Variants in PCDHA4 observed in about 807,000 individuals in gnomAD.
PCDHA4 encodes the protein protocadherin alpha-4.
In PCDHA4, 49 loss-of-function variants were observed where a neutral mutation model predicts 61.4. That is an observed-to-expected ratio of 0.80 (90% CI 0.63 to 1.01). The LOEUF is 1.01. PCDHA4 is among the 50% of genes least tolerant of loss of function. The pLI is 0.00. For synonymous variants in PCDHA4, 590 were observed against 550.3 expected, an observed-to-expected ratio of 1.07 and a Z score of -1.01; for missense variants, 1,254 against 1,235.8, an observed-to-expected ratio of 1.01 and a Z score of -0.22.
intron 1 of PCDHA4, chr5:140,967,133 G>C: frequency 6.2e-7 from 1 of 1,611,928 alleles, no homozygotes; most frequent in East Asian, 2.2e-5. Flanking sequence ...CAGCTTGGAA[G>C]TGCTGGCGCA....
intron 1 of PCDHA4, chr5:140,841,828 C>A: frequency 6.2e-7 from 1 of 1,613,892 alleles, no homozygotes; most frequent in Middle Eastern, 1.6e-4. Context: ...CCGTGTTAAC[C>A]TACAGGCTTA....
At chr5:140,852,808 C>G in intron 1 of PCDHA4, 1 of 975,820 alleles carries the variant, frequency 1.0e-6, no homozygotes, top group Non-Finnish European at 1.2e-6. Context: ...TCATTTGTCT[C>G]CCGCCCTAAG....
At chr5:140,848,603 G>A (rs144574743) in intron 1 of PCDHA4, 1 of 1,581,062 alleles carries the variant, frequency 6.3e-7, no homozygotes, top group Non-Finnish European at 8.7e-7. Flanking sequence ...ACTCCGTCCC[G>A]GAGGAAGCCG....
Position 140,928,034 on chromosome 5 carries a change from G to T in PCDHA4, c.2386-50915G>T. 3 of 1,614,206 alleles carry T rather than the reference G, an allele frequency of 1.9e-6. No homozygotes were observed. Among genetic ancestry groups the T allele is most frequent in the Non-Finnish European group, 2.5e-6 (3 of 1,180,036 alleles). Reference sequence around the variant, plus strand: ...GGTAGGGTCATTTGTGGCATGTCTAGTGCAGGCCCTTTTCAGCTGACGGCT... The same window carrying T: ...GGTAGGGTCATTTGTGGCATGTCTATTGCAGGCCCTTTTCAGCTGACGGCT... On this transcript the variant is annotated intron_variant, in intron 1 of 3. Transcript: ENST00000530339.
intron 1 of PCDHA4, chr5:140,810,004 A>G (rs1369624194): frequency 1.3e-5 from 2 of 155,054 alleles, no homozygotes; most frequent in African/African-American, 2.4e-5. Context: ...CACTTCCCTT[A>G]TTTTTCCTCC....
chr5:140,937,511 G>A (rs569896730), intron 1 of PCDHA4, among the ~76,000 whole-genome samples: 2 of 152,166 alleles, frequency 1.3e-5, no homozygotes, highest in Non-Finnish European at 2.9e-5. Context: ...CAGCTACTCA[G>A]GAGGCTGAGG....
intron 1 of PCDHA4, among the ~76,000 whole-genome samples, chr5:140,895,496 T>A (rs1364776623): frequency 1.3e-5 from 2 of 152,216 alleles, no homozygotes; most frequent in African/African-American, 4.8e-5. Flanking sequence ...TATTCAGAAC[T>A]TTTGCCCAAT....
intron 1 of PCDHA4, chr5:140,860,925 G>A (rs2046658234): frequency 6.6e-6 from 1 of 152,286 alleles, no homozygotes; most frequent in Non-Finnish European, 1.5e-5. Context: ...TTTTAGTAGA[G>A]ACGAGGTTTC....
chr5:140,856,851 C>T (rs140022509), intron 1 of PCDHA4: 4 of 1,593,160 alleles, frequency 2.5e-6, no homozygotes, highest in Admixed American at 1.7e-5. Context: ...GCTTCTGATT[C>T]GGATGAAGGA....
At chr5:140,891,128 C>G (rs1554184692) in intron 1 of PCDHA4, among the ~76,000 whole-genome samples, 1 of 152,100 alleles carries the variant, frequency 6.6e-6, no homozygotes, top group Non-Finnish European at 1.5e-5. Flanking sequence ...AAATGTCATT[C>G]CTTTAAAGGT....
chr5:140,871,487 C>A, intron 1 of PCDHA4: 1 of 1,591,808 alleles, frequency 6.3e-7, no homozygotes, highest in South Asian at 1.1e-5. Flanking sequence ...TCAAATCACC[C>A]CGGACAGGTG....
Position 140,928,140 on chromosome 5 carries a change from G to GGCC in PCDHA4, c.2386-50808_2386-50806dup. 3 of 1,614,154 alleles carry GGCC rather than the reference G, an allele frequency of 1.9e-6. No homozygotes were observed. The South Asian group carries it at 3.3e-5, about 18-fold the overall frequency. On this transcript the variant is annotated intron_variant, in intron 1 of 3. Transcript: ENST00000530339. ...TCAGTGAATACCAAGTCCTGATCAC[G>GGCC]GCCTCAGATAGTGGCTCACCCCCAC...
At chr5:140,947,635 G>A (rs1170525936) in intron 1 of PCDHA4, among the ~76,000 whole-genome samples, 1 of 151,538 alleles carries the variant, frequency 6.6e-6, no homozygotes, top group African/African-American at 2.4e-5. Context: ...TCATCAGATC[G>A]TATGAACATA....
chr5:140,856,771 T>A, intron 1 of PCDHA4: 1 of 1,596,918 alleles, frequency 6.3e-7, no homozygotes, highest in Non-Finnish European at 8.6e-7. Flanking sequence ...CCCCTATCTT[T>A]GACAGACCGG....
chr5:140,903,273 T>G (rs1213268192), intron 1 of PCDHA4, among the ~76,000 whole-genome samples: 2 of 152,228 alleles, frequency 1.3e-5, no homozygotes, highest in Non-Finnish European at 2.9e-5. Flanking sequence ...AGTGAGGTAG[T>G]GTCTCATTGT....
chr5:140,923,078 G>A (rs1392146044), intron 1 of PCDHA4, among the ~76,000 whole-genome samples: 1 of 152,200 alleles, frequency 6.6e-6, no homozygotes, highest in African/African-American at 2.4e-5. Context: ...CCTCATGTCA[G>A]CACTTATTTG....
At chr5:140,906,017 C>G (rs1172988114) in intron 1 of PCDHA4, among the ~76,000 whole-genome samples, 2 of 152,188 alleles carry the variant, frequency 1.3e-5, no homozygotes, top group African/African-American at 2.4e-5. Flanking sequence ...AGTCTAATCT[C>G]TCCACGTTCT....
At chr5:140,992,205 T>C (rs2097498733) in intron 3 of PCDHA4, among the ~76,000 whole-genome samples, 1 of 152,186 alleles carries the variant, frequency 6.6e-6, no homozygotes, top group South Asian at 2.1e-4. Flanking sequence ...TCCAATCAGA[T>C]AAACTACTCT....
chr5:140,872,923 C>T (rs2053985502), intron 1 of PCDHA4, among the ~76,000 whole-genome samples: 1 of 152,102 alleles, frequency 6.6e-6, no homozygotes, highest in Non-Finnish European at 1.5e-5. Flanking sequence ...TGCCTTATCT[C>T]TAATGTTTTT....
Sources: allele counts gnomAD v4.1 joint callset (sites outside exome capture counted in the v4.1 genomes callset), GRCh38; gene constraint gnomAD v4.1.1; transcripts MANE v1.5; gene names NCBI Gene and HGNC (gene_info 2026-07-23, HGNC 2026-07-21).